COMMD9: variants seen among roughly 807,000 people sequenced by gnomAD.
The protein encoded by COMMD9 is COMM domain-containing protein 9.
COMMD9 carries 22 observed loss-of-function variants against 23.4 expected under a neutral mutation model. The observed-to-expected ratio is 0.94, with a 90% CI of 0.67 to 1.34. The LOEUF is 1.34. Among genes scored for constraint, COMMD9 ranks in the 40% most tolerant of loss-of-function variants. COMMD9 has a pLI of 0.00. For synonymous variants in COMMD9, 99 were observed against 97.4 expected, an observed-to-expected ratio of 1.02 and a Z score of -0.10; for missense variants, 231 against 240.2, an observed-to-expected ratio of 0.96 and a Z score of 0.25.
intron 4 of COMMD9, chr11:36,276,711 G>C (rs1855978867): frequency 4.9e-6 from 1 of 202,696 alleles, no homozygotes; most frequent in African/African-American, 2.3e-5. Flanking sequence ...AATGACTTGA[G>C]CAGATTAACT....
At chr11:36,276,731 C>CAA (rs1439392430) in intron 4 of COMMD9, 7 of 210,172 alleles carry the variant, frequency 3.3e-5, no homozygotes, top group Middle Eastern at 1.7e-3. Context: ...TGCTCCAGCA[C>CAA]TGTGGCTGGC....
intron 5 of COMMD9, among the ~76,000 whole-genome samples, chr11:36,275,281 G>GA (rs1855950776): frequency 6.6e-6 from 1 of 152,170 alleles, no homozygotes; most frequent in South Asian, 2.1e-4. Flanking sequence ...TGGTTATGTA[G>GA]ATACAGCATT....
chr11:36,285,898 A>G (rs1396846418), intron 1 of COMMD9, among the ~76,000 whole-genome samples: 1 of 152,194 alleles, frequency 6.6e-6, no homozygotes, highest in Non-Finnish European at 1.5e-5. Context: ...ATCTTGATAA[A>G]CAGTATCTAC....
chr11:36,277,193 G>C (rs1855988360), intron 3 of COMMD9, 70 bp from the exon 4 acceptor site: 7 of 1,189,678 alleles, frequency 5.9e-6, no homozygotes, highest in Non-Finnish European at 8.2e-6. Context: ...GATAGAGAGG[G>C]GAACTGGCCC....
intron 1 of COMMD9, among the ~76,000 whole-genome samples, chr11:36,283,124 G>A (rs1590403937): frequency 6.6e-6 from 1 of 152,168 alleles, no homozygotes; most frequent in Non-Finnish European, 1.5e-5. Flanking sequence ...TGCCCACATT[G>A]AGGGCAGGTC....
chr11:36,277,321 A>C (rs1244333503), intron 3 of COMMD9, among the ~76,000 whole-genome samples, 198 bp from the exon 4 acceptor site: 6 of 152,226 alleles, frequency 3.9e-5, no homozygotes, highest in Admixed American at 3.9e-4. Flanking sequence ...TTAAGGCCCT[A>C]AGTGTTGTCA....
chr11:36,276,996 T>C, intron 4 of COMMD9, 93 bp downstream of exon 4: 4 of 1,137,996 alleles, frequency 3.5e-6, no homozygotes, highest in Non-Finnish European at 5.0e-6. Flanking sequence ...TGGTTCACTT[T>C]GGTTTCTGCC....
chr11:36,276,044 T>C (rs1392911104), intron 5 of COMMD9, 93 bp downstream of exon 5: 2 of 859,504 alleles, frequency 2.3e-6, no homozygotes, highest in Middle Eastern at 2.3e-4. Flanking sequence ...TAAAAAAATA[T>C]ATGGGTTAGA....
chr11:36,284,614 T>G (rs2133433017), intron 1 of COMMD9, among the ~76,000 whole-genome samples: 1 of 152,372 alleles, frequency 6.6e-6, no homozygotes, highest in African/African-American at 2.4e-5. Context: ...AGACATATCA[T>G]ATTCTGGGCC....
At chr11:36,277,610 T>A (rs1218418537) in intron 3 of COMMD9, among the ~76,000 whole-genome samples, 2 of 152,224 alleles carry the variant, frequency 1.3e-5, no homozygotes, top group African/African-American at 4.8e-5. Flanking sequence ...TTATCAGTTA[T>A]TGCTATTAGA....
In COMMD9 at chr11:36,286,623, A is replaced by C. The variant is rs535986061; in HGVS notation, c.51+2739T>G. On this transcript the variant is annotated intron_variant, in intron 1 of 5. Coordinates refer to ENST00000263401, the MANE Select transcript of COMMD9 (RefSeq NM_014186.4). The stretch of plus-strand genomic sequence containing the variant: ...AAACAAACAAACAAACAAACAAACC[A>C]AAAAAAACCAAAACCATTTGCAATT... Among the ~76,000 whole-genome samples the C allele has an allele frequency of 2.0e-5, 3 of 151,554 alleles. No homozygotes were observed. In the East Asian group the frequency reaches 5.8e-4, roughly 29 times the overall value.
At position 36,277,096 on chromosome 11, in the gene COMMD9, T is replaced by C; in HGVS notation, c.345A>G (p.Ala115=). The C allele has an allele frequency of 6.2e-7, 1 of 1,606,512 alleles. No homozygotes were observed. Among genetic ancestry groups the C allele is most frequent in the Non-Finnish European group, 8.5e-7 (1 of 1,176,512 alleles). Reference sequence around the variant, plus strand: ...AGATTTATTGGTACTCACTCTGATTTGCCTGGGCTTCGGTTCTCCAAGTAG... The same window carrying C: ...AGATTTATTGGTACTCACTCTGATTCGCCTGGGCTTCGGTTCTCCAAGTAG... ...HVSTWRTEAQ[A]NQISLPRLVD... Residue 115 remains alanine, a synonymous_variant, in exon 4 of 6, where the codon GCA becomes GCG. Transcript: ENST00000263401.
At chr11:36,286,012 C>T (rs535257193) in intron 1 of COMMD9, among the ~76,000 whole-genome samples, 176 of 152,264 alleles carry the variant, frequency 1.2e-3, no homozygotes, top group Middle Eastern at 3.4e-3. Context: ...TCTGAATCAA[C>T]ACAGTGCTGA....
chr11:36,275,889 A>ATAGGGTT (rs1855962206), intron 5 of COMMD9, among the ~76,000 whole-genome samples: 1 of 152,254 alleles, frequency 6.6e-6, no homozygotes, highest in Admixed American at 6.5e-5. Flanking sequence ...TGCTAAGAGT[A>ATAGGGTT]TAGGGTTACC....
intron 1 of COMMD9, among the ~76,000 whole-genome samples, chr11:36,285,900 A>G (rs1039304171): frequency 6.6e-6 from 1 of 152,214 alleles, no homozygotes; most frequent in Non-Finnish European, 1.5e-5. Flanking sequence ...CTTGATAAAC[A>G]GTATCTACAA....
intron 1 of COMMD9, among the ~76,000 whole-genome samples, chr11:36,287,913 T>C (rs11033535): frequency 0.027 from 4,061 of 152,216 alleles, 159 homozygotes; most frequent in East Asian, 0.17. Context: ...AATAAATCAT[T>C]TAACTGTAAA....
At chr11:36,280,297 G>T (rs1856043596) in intron 2 of COMMD9, among the ~76,000 whole-genome samples, 2 of 152,192 alleles carry the variant, frequency 1.3e-5, no homozygotes. Context: ...TGGGACAGAG[G>T]GGTGAGGAGG....
In COMMD9 at chr11:36,286,183, T is replaced by C. The variant is rs192877805; in HGVS notation, c.51+3179A>G. Among the ~76,000 whole-genome samples the C allele has an allele frequency of 4.6e-5, 7 of 152,220 alleles. No homozygotes were observed. In the East Asian group the frequency reaches 1.3e-3, roughly 29 times the overall value. Reference sequence around the variant, plus strand: ...CCTAGAAACAATGAGTTTAGCAAGTTTGCATGTAGAAGATAAACATACATA... The same window carrying C: ...CCTAGAAACAATGAGTTTAGCAAGTCTGCATGTAGAAGATAAACATACATA... On this transcript the variant is annotated intron_variant, in intron 1 of 5. Transcript: ENST00000263401.
chr11:36,275,643 C>CATGTTGGCAAG (rs1855958075), intron 5 of COMMD9, among the ~76,000 whole-genome samples: 1 of 152,286 alleles, frequency 6.6e-6, no homozygotes, highest in South Asian at 2.1e-4. Flanking sequence ...GCGGTTTCAC[C>CATGTTGGCAAG]ATGTTGGCAA....
Sources: gnomAD v4.1 joint callset for allele counts (sites outside exome capture counted in the v4.1 genomes callset) on GRCh38, gnomAD v4.1.1 for gene constraint, MANE v1.5 for transcripts, NCBI Gene and HGNC (gene_info 2026-07-23, HGNC 2026-07-21) for gene names.